The following NLRP4 variants were observed in gnomAD, a reference collection of about 807,000 sequenced individuals.
NLRP4 encodes NLR family pyrin domain containing 4.
NLRP4 carries 44 observed loss-of-function variants against 84.7 expected under a neutral mutation model. The observed-to-expected ratio is 0.52, with a 90% confidence interval of 0.41 to 0.67. NLRP4 has a LOEUF of 0.67. Among genes scored for constraint, NLRP4 ranks in the 30% least tolerant of loss-of-function variants. The probability of loss-of-function intolerance (pLI) is 0.00; values close to 1 mark genes in which losing one functional copy is unlikely to be tolerated. For missense variants in NLRP4, 1,260 were observed against 1,219.4 expected, an observed-to-expected ratio of 1.03 and a Z score of -0.50; for synonymous variants, 544 against 476.4, an observed-to-expected ratio of 1.14 and a Z score of -1.85.
At position 55,851,611 on chromosome 19, in the gene NLRP4, CGTGGCTGCGGTGTA is replaced by C. The variant is rs1397895870; in HGVS notation, c.-65-404_-65-391del. Among the ~76,000 whole-genome samples, 24 of 136,586 alleles carry C rather than the reference CGTGGCTGCGGTGTA, an allele frequency of 1.8e-4. 1 individual carries two copies. Among genetic ancestry groups the C allele is most frequent in the African/African-American group, 5.8e-4 (22 of 37,894 alleles). 89.6% of individuals were successfully genotyped at this position (136,586 alleles called of 152,430 possible). A position where few individuals can be genotyped will look rare whatever the true frequency, so the allele number is the denominator to read the frequency against. ...ATGTCCGAGGCTGCGGTGTAATGTC[CGTGGCTGCGGTGTA>C]ATGTCCGAGGCTGCGGTGTAATGTC... On this transcript the variant is annotated intron_variant, in intron 1 of 9. Coordinates refer to ENST00000301295, the MANE Select transcript of NLRP4 (RefSeq NM_134444.5).
rs766919656 is a variant in NLRP4, at chr19:55,858,695, C to G, written c.1302C>G (p.Gly434=). ...ACGCTGACATCCCTGCGCTGCTGGG[C>G]ACCAAGATACTTCTGAAGTACGGGG... The part of the protein sequence containing the change: ...VVDADIPALL[G]TKILLKYGER... The change falls in exon 3 of 10, where the codon GGC becomes GGG. Residue 434 remains glycine, a synonymous_variant. Coordinates refer to ENST00000301295, the MANE Select transcript of NLRP4 (RefSeq NM_134444.5). This position sits in a 1 kb window ranked among gnomAD's most constrained non-coding sequence, Gnocchi z 4.2. The G allele has an allele frequency of 1.9e-6, 3 of 1,613,980 alleles. 1 individual carries two copies. Among genetic ancestry groups the G allele is most frequent in the Non-Finnish European group, 8.5e-7 (1 of 1,179,876 alleles).
rs769424574 is a variant in NLRP4, at chr19:55,858,192, A to G, written c.799A>G (p.Lys267Glu). 1 of 1,614,092 alleles carries G rather than the reference A, an allele frequency of 6.2e-7. No individual in the cohort carries two copies. Among genetic ancestry groups the G allele is most frequent in the South Asian group, 1.1e-5 (1 of 91,070 alleles). ...VQVLLSSLLR[K>E]KMLPEASLLI... ...GGTGCTTCTGAGCAGTTTGCTGAGG[A>G]AGAAGATGCTCCCGGAGGCCTCCCT... The change falls in exon 3 of 10, where the codon AAG (lysine) becomes GAG (glutamate). Residue 267 changes from lysine to glutamate, a missense_variant. Physicochemically the swap from Lys to Glu is moderately conservative, Grantham distance 56. Around this residue, in one of 3 missense-constraint regions of NLRP4, gnomAD observed 712 missense variants for 669.2 expected, o/e 1.06. Transcript: ENST00000301295. This position sits in a 1 kb window ranked among gnomAD's most constrained non-coding sequence, Gnocchi z 4.2.
intron 9 of NLRP4, among the ~76,000 whole-genome samples, chr19:55,881,192 G>A (rs1020848866): frequency 9.9e-6 from 1 of 100,592 alleles, no homozygotes; most frequent in African/African-American, 3.3e-5. Flanking sequence ...TCTGTTTAGT[G>A]ACAGCAAGTG....
intron 7 of NLRP4, among the ~76,000 whole-genome samples, chr19:55,872,737 G>C (rs1259387499): frequency 6.6e-6 from 1 of 152,184 alleles, no homozygotes; most frequent in Non-Finnish European, 1.5e-5. Flanking sequence ...CACTTACTGG[G>C]AATCGCGGAA....
chr19:55,864,678 A>G lies in NLRP4; in HGVS notation c.2186+2519A>G, dbSNP rs547237891. On this transcript the variant is annotated intron_variant, in intron 5 of 9. Coordinates refer to ENST00000301295, the MANE Select transcript of NLRP4 (RefSeq NM_134444.5). ...GCACAATTCTGTATTCCTACCAGCA[A>G]TGTATGAGAGTTCTAATTTCTCCAC... 1.0e-3 allele frequency among the ~76,000 whole-genome samples: 158 copies of G among 152,286 alleles called. 1 individual carries two copies. The highest frequency in any genetic ancestry group is 1.9e-3 in the Non-Finnish European group (128 of 68,022).
intron 2 of NLRP4, among the ~76,000 whole-genome samples, chr19:55,856,142 T>C (rs11879174): frequency 0.053 from 8,072 of 152,054 alleles, 262 homozygotes; most frequent in East Asian, 0.093. Context: ...TATAGGCCTG[T>C]ACCACCACGC....
At chr19:55,865,979 C>T (rs965918041) in intron 5 of NLRP4, among the ~76,000 whole-genome samples, 6 of 152,102 alleles carry the variant, frequency 3.9e-5, no homozygotes, top group South Asian at 2.1e-4. Flanking sequence ...GCAATTGCTA[C>T]GAAACCATTG....
chr19:55,841,919 C>A (rs1048640956), intron 1 of NLRP4, among the ~76,000 whole-genome samples: 1 of 152,078 alleles, frequency 6.6e-6, no homozygotes, highest in African/African-American at 2.4e-5. Context: ...CTTTGACATA[C>A]GAATTTCCTT....
At chr19:55,848,232 G>A (rs972416003) in intron 1 of NLRP4, among the ~76,000 whole-genome samples, 47 of 152,142 alleles carry the variant, frequency 3.1e-4, no homozygotes, top group African/African-American at 1.0e-3. Context: ...GGGCTTTGAG[G>A]AGGAAGACCA....
intron 3 of NLRP4, among the ~76,000 whole-genome samples, chr19:55,859,851 C>G (rs1289251368): frequency 7.9e-6 from 1 of 126,408 alleles, no homozygotes; most frequent in Non-Finnish European, 1.6e-5. Flanking sequence ...CACTTGAGCC[C>G]GGGAGGCAGA....
intron 7 of NLRP4, among the ~76,000 whole-genome samples, chr19:55,873,190 G>A (rs1047989031): frequency 2.0e-5 from 3 of 152,182 alleles, no homozygotes; most frequent in Admixed American, 6.5e-5. Flanking sequence ...ATGGAAGAGA[G>A]ATAGAGCAAA....
At chr19:55,850,157 G>T (rs1984014293) in intron 1 of NLRP4, among the ~76,000 whole-genome samples, 1 of 135,208 alleles carries the variant, frequency 7.4e-6, no homozygotes, top group Non-Finnish European at 1.6e-5. Flanking sequence ...TTCCGAGGCT[G>T]CGGTGTAATT....
At chr19:55,876,944 A>G (rs1007023573) in intron 7 of NLRP4, 52 bp from the exon 8 acceptor site, 12 of 1,483,042 alleles carry the variant, frequency 8.1e-6, no homozygotes, top group African/African-American at 1.4e-5. Flanking sequence ...TTTTCCTGAT[A>G]TTAGACTGAG....
At chr19:55,848,443 C>T (rs1029308827) in intron 1 of NLRP4, among the ~76,000 whole-genome samples, 25 of 151,420 alleles carry the variant, frequency 1.7e-4, no homozygotes, top group Middle Eastern at 3.4e-3. Flanking sequence ...CTCGCTCTGT[C>T]GCCAGGCTAG....
chr19:55,864,875 A>G (rs1984894000), intron 5 of NLRP4, among the ~76,000 whole-genome samples: 1 of 152,168 alleles, frequency 6.6e-6, no homozygotes, highest in Non-Finnish European at 1.5e-5. Context: ...GATCATTTCT[A>G]TATCTTCTTT....
chr19:55,867,680 C>T, intron 5 of NLRP4, 29 bp from the exon 6 acceptor site: 2 of 1,599,874 alleles, frequency 1.3e-6, no homozygotes, highest in Non-Finnish European at 1.7e-6. Flanking sequence ...TAGAAACCAA[C>T]AGAATGTGAC....
In NLRP4 at chr19:55,878,662, C is replaced by T. The variant is rs970723170; in HGVS notation, c.2697-132C>T. On this transcript the variant is annotated intron_variant, in intron 8 of 9. Coordinates refer to ENST00000301295, the MANE Select transcript of NLRP4 (RefSeq NM_134444.5). ...TACCCACAGACGCGTGATCTGAGGT[C>T]GTAAACACTGGACTGTGAGAGATTG... 11 of 693,452 alleles carry T rather than the reference C, an allele frequency of 1.6e-5. No individual in the cohort carries two copies. In the East Asian group the frequency reaches 1.7e-4, roughly 11 times the overall value. 43.0% of individuals were successfully genotyped at this position (693,452 alleles called of 1,614,324 possible). A position where few individuals can be genotyped will look rare whatever the true frequency, so the allele number is the denominator to read the frequency against.
rs151288574 is a variant in NLRP4, at chr19:55,858,364, C to G, written c.971C>G (p.Ala324Gly). 1.5e-5 allele frequency: 25 copies of G among 1,614,154 alleles called. No individual in the cohort carries two copies. The East Asian group carries it at 5.6e-4, about 36-fold the overall frequency. Residue 324 changes from alanine (A) to glycine (G), a missense_variant, in exon 3 of 10, where the codon GCC (alanine) becomes GGC (glycine). By Grantham distance (60) the Ala-to-Gly change is moderately conservative (BLOSUM62 0). Around this residue, in one of 3 missense-constraint regions of NLRP4, gnomAD observed 712 missense variants for 669.2 expected, o/e 1.06. Coordinates refer to ENST00000301295, the MANE Select transcript of NLRP4 (RefSeq NM_134444.5). The surrounding 1 kb of genome is among the most constrained non-coding windows in gnomAD (Gnocchi z 4.2). ...FFKDPKRAME[A>G]FNLVRESEQL... is the part of the protein sequence containing the mutation. ...AAAGACCCGAAAAGAGCCATGGAAG[C>G]CTTCAATCTTGTAAGAGAAAGTGAA...
At chr19:55,854,377 T>C (rs1419074740) in intron 2 of NLRP4, among the ~76,000 whole-genome samples, 3 of 152,204 alleles carry the variant, frequency 2.0e-5, no homozygotes, top group African/African-American at 7.2e-5. Flanking sequence ...TATTGAGCAT[T>C]TTAAATTATT....
Sources: allele counts gnomAD v4.1 joint callset (sites outside exome capture counted in the v4.1 genomes callset), GRCh38; gene constraint gnomAD v4.1.1; regional missense constraint gnomAD v4.1.1; non-coding constraint Gnocchi (gnomAD v3.1); transcripts MANE v1.5; gene names NCBI Gene and HGNC (gene_info 2026-07-23, HGNC 2026-07-21).